The following SPATA17 variants were observed in gnomAD, a reference collection of about 807,000 sequenced individuals.
The protein encoded by SPATA17 is spermatogenesis associated 17.
SPATA17 carries 53 observed loss-of-function variants against 62.2 expected under a neutral mutation model. The observed-to-expected ratio is 0.85, with a 90% confidence interval of 0.68 to 1.07. The LOEUF is 1.07. Among genes scored for constraint, SPATA17 ranks in the 50% least tolerant of loss-of-function variants. The pLI is 0.00. For missense variants in SPATA17, 466 were observed against 425.5 expected, an observed-to-expected ratio of 1.10 and a Z score of -0.84; for synonymous variants, 146 against 146.8, an observed-to-expected ratio of 0.99 and a Z score of 0.04.
chr1:217,696,915 A>G (rs114357381), intron 5 of SPATA17, among the ~76,000 whole-genome samples: 1 of 152,200 alleles, frequency 6.6e-6, no homozygotes, highest in East Asian at 1.9e-4. Flanking sequence ...TATGCCATCA[A>G]ATCTTCCGAA....
At chr1:217,633,358 T>C (rs973339484) in intron 1 of SPATA17, among the ~76,000 whole-genome samples, 13 of 152,274 alleles carry the variant, frequency 8.5e-5, no homozygotes, top group Middle Eastern at 3.4e-3. Context: ...ATCACAATGT[T>C]ATAAGTTAAT....
chr1:217,774,258 A>C, intron 6 of SPATA17, 76 bp from the exon 7 acceptor site: 2 of 1,283,262 alleles, frequency 1.6e-6, no homozygotes, highest in Non-Finnish European at 2.2e-6. Context: ...ATAAGAAAAA[A>C]TTTCATGGTA....
rs1419526465 is a variant in SPATA17, at chr1:217,869,923, C to T, written c.*2904C>T. On this transcript the variant is annotated 3_prime_UTR_variant, in exon 11 of 11. Transcript: ENST00000366933. Reference sequence around the variant, plus strand: ...TTGCACTATCATAAAGTAAAAACATCATAAGTCAAGCCACCATAAATAGCG... The same window carrying T: ...TTGCACTATCATAAAGTAAAAACATTATAAGTCAAGCCACCATAAATAGCG... The T allele has an allele frequency of 1.3e-5, 2 of 152,070 alleles. No homozygotes were observed. The highest frequency in any genetic ancestry group is 2.1e-4 in the South Asian group (1 of 4,820). The allele number at this position is 152,070 out of a possible 1,614,324, so 9.4% of individuals were successfully genotyped here.
Position 217,868,701 on chromosome 1 carries a change from A to G in SPATA17, c.*1682A>G, listed in dbSNP as rs1676070798. ...TTTTTTTTTTTTTTTAATTTCTGAG[A>G]CAGAGTCTCATTCTGTCACCCAGGT... is the stretch of plus-strand genomic sequence containing the variant. On this transcript the variant is annotated 3_prime_UTR_variant, in exon 11 of 11. Transcript: ENST00000366933. The G allele has an allele frequency of 7.2e-6, 1 of 139,396 alleles. No individual in the cohort carries two copies. The highest frequency in any genetic ancestry group is 7.7e-5 in the Admixed American group (1 of 13,064). The allele number at this position is 139,396 out of a possible 1,614,324, so 8.6% of individuals were successfully genotyped here.
Position 217,871,159 on chromosome 1 carries a change from G to T in SPATA17, c.*4140G>T, listed in dbSNP as rs1357167258. 3.9e-5 allele frequency: 6 copies of T among 152,076 alleles called. No homozygotes were observed. The highest frequency in any genetic ancestry group is 1.5e-5 in the Non-Finnish European group (1 of 68,004). The allele number at this position is 152,076 out of a possible 1,614,324, so 9.4% of individuals were successfully genotyped here. A position where few individuals can be genotyped will look rare whatever the true frequency, so the allele number is the denominator to read the frequency against. On this transcript the variant is annotated 3_prime_UTR_variant, in exon 11 of 11. Coordinates refer to ENST00000366933, the MANE Select transcript of SPATA17 (RefSeq NM_138796.4). ...TGCTTGCGTAAAGTGTTCCTTTTGGGAAATAAATAATCTTTCATATCTGTA... is the reference window on the plus strand; with the variant it reads ...TGCTTGCGTAAAGTGTTCCTTTTGGTAAATAAATAATCTTTCATATCTGTA...
rs373693320 is a variant in SPATA17, at chr1:217,846,901, T to C, written c.1006-15873T>C. Among the ~76,000 whole-genome samples, 6 of 152,142 alleles carry C rather than the reference T, an allele frequency of 3.9e-5. No individual in the cohort carries two copies. In the East Asian group the frequency reaches 7.7e-4, roughly 20 times the overall value. On this transcript the variant is annotated intron_variant, in intron 9 of 10. Transcript: ENST00000366933. The stretch of plus-strand genomic sequence containing the variant: ...AAATTATTTAGTTTTACAAGTGCAA[T>C]TTAAAAAGTGATATCAACTAATTAG...
chr1:217,648,002 C>T (rs1247448533), intron 1 of SPATA17, among the ~76,000 whole-genome samples: 2 of 151,932 alleles, frequency 1.3e-5, no homozygotes, highest in African/African-American at 4.8e-5. Flanking sequence ...GGATTACAGG[C>T]ATGAGTCACC....
intron 1 of SPATA17, among the ~76,000 whole-genome samples, chr1:217,647,108 A>G (rs1362350924): frequency 6.6e-6 from 1 of 152,222 alleles, no homozygotes; most frequent in Admixed American, 6.5e-5. Context: ...TAATTCACTG[A>G]TATGTGAAAT....
chr1:217,765,622 T>C (rs552622914), intron 6 of SPATA17, among the ~76,000 whole-genome samples: 1 of 152,158 alleles, frequency 6.6e-6, no homozygotes, highest in South Asian at 2.1e-4. Flanking sequence ...GGTCTCAGCA[T>C]ACTTTGTCTG....
chr1:217,783,381 A>G (rs1320987896), intron 8 of SPATA17, among the ~76,000 whole-genome samples: 1 of 151,982 alleles, frequency 6.6e-6, no homozygotes, highest in Admixed American at 6.6e-5. Context: ...TAATTTTTAT[A>G]AAGTTTTTCA....
At chr1:217,768,957 C>T (rs373522952) in intron 6 of SPATA17, among the ~76,000 whole-genome samples, 67 of 152,232 alleles carry the variant, frequency 4.4e-4, no homozygotes, top group African/African-American at 1.3e-3. Flanking sequence ...CTTCCACCCC[C>T]GCCACTGAGA....
At chr1:217,762,458 G>A (rs906294206) in intron 6 of SPATA17, among the ~76,000 whole-genome samples, 1 of 152,068 alleles carries the variant, frequency 6.6e-6, no homozygotes, top group African/African-American at 2.4e-5. Flanking sequence ...CAGTATCAAT[G>A]CCTTTTGATT....
chr1:217,780,353 C>T (rs1444810495), intron 7 of SPATA17, among the ~76,000 whole-genome samples: 1 of 151,980 alleles, frequency 6.6e-6, no homozygotes. Flanking sequence ...ATGTACCAGG[C>T]ATTGCAAAGA....
At chr1:217,702,557 G>T (rs1671623637) in intron 5 of SPATA17, among the ~76,000 whole-genome samples, 1 of 151,902 alleles carries the variant, frequency 6.6e-6, no homozygotes, top group Admixed American at 6.6e-5. Flanking sequence ...AAATTACTTT[G>T]GTTTTTACTT....
intron 9 of SPATA17, among the ~76,000 whole-genome samples, chr1:217,839,612 A>G (rs536780882): frequency 6.6e-6 from 1 of 152,230 alleles, no homozygotes; most frequent in African/African-American, 2.4e-5. Context: ...CAGCTGATCA[A>G]GTGGTAGAAA....
At chr1:217,741,939 T>A in intron 5 of SPATA17, 36 bp from the exon 6 acceptor site, 2 of 1,612,026 alleles carry the variant, frequency 1.2e-6, no homozygotes, top group Non-Finnish European at 1.7e-6. Flanking sequence ...TGTTAACACA[T>A]AGTATCATAA....
intron 5 of SPATA17, among the ~76,000 whole-genome samples, chr1:217,717,903 A>G (rs1473241222): frequency 6.9e-6 from 1 of 145,030 alleles, no homozygotes; most frequent in African/African-American, 2.7e-5. Context: ...TCCGTTTAAT[A>G]AGAGTCCTGT....
At chr1:217,821,492 A>T (rs1674861614) in intron 9 of SPATA17, among the ~76,000 whole-genome samples, 1 of 152,124 alleles carries the variant, frequency 6.6e-6, no homozygotes, top group Admixed American at 6.6e-5. Context: ...AAAGCCCCAT[A>T]GATTTAGCAA....
intron 8 of SPATA17, among the ~76,000 whole-genome samples, chr1:217,792,547 G>A (rs1244079980): frequency 6.6e-6 from 1 of 151,946 alleles, no homozygotes. Flanking sequence ...TACCACCCAG[G>A]CCTAATTCAA....
Sources: allele counts gnomAD v4.1 joint callset (sites outside exome capture counted in the v4.1 genomes callset), GRCh38; gene constraint gnomAD v4.1.1; transcripts MANE v1.5; gene names NCBI Gene and HGNC (gene_info 2026-07-23, HGNC 2026-07-21).